The following THRB variants were observed in gnomAD, a reference collection of about 807,000 sequenced individuals.
THRB encodes the protein thyroid hormone receptor beta, also known as nuclear receptor subfamily 1 group A member 2.
In THRB, 12 loss-of-function variants were observed where a neutral mutation model predicts 47.8. The ratio of observed to expected loss-of-function variants is 0.25; its 90% confidence interval spans 0.16 to 0.41. The LOEUF is 0.41. Among genes scored for constraint, THRB ranks in the 10% least tolerant of loss-of-function variants. The probability of loss-of-function intolerance (pLI) is 1.00; values close to 1 mark genes in which losing one functional copy is unlikely to be tolerated. For synonymous variants in THRB, 218 were observed against 212.2 expected (o/e 1.03, Z -0.24); for missense variants, 348 against 589.2 (o/e 0.59, Z 4.24).
intron 3 of THRB, among the ~76,000 whole-genome samples, chr3:24,274,824 T>C (rs934055892): frequency 4.1e-4 from 62 of 152,310 alleles, no homozygotes; most frequent in Non-Finnish European, 5.3e-4. Context: ...CCAGCAAAGG[T>C]TTCACTTACA....
intron 5 of THRB, among the ~76,000 whole-genome samples, chr3:24,156,531 A>G (rs1473007548): frequency 6.6e-6 from 1 of 152,232 alleles, no homozygotes; most frequent in East Asian, 1.9e-4. Flanking sequence ...TATCATCTGT[A>G]TAAGACCACT....
intron 2 of THRB, among the ~76,000 whole-genome samples, chr3:24,336,538 T>C (rs1366432893): frequency 2.0e-5 from 3 of 152,202 alleles, no homozygotes; most frequent in Non-Finnish European, 4.4e-5. Flanking sequence ...TGTGTTGTTA[T>C]AATAATGAAA....
At chr3:24,247,773 G>T (rs1344800634) in intron 3 of THRB, among the ~76,000 whole-genome samples, 5 of 152,150 alleles carry the variant, frequency 3.3e-5, no homozygotes, top group African/African-American at 1.2e-4. Context: ...GCTTCTTTGT[G>T]AAGAATTAGA....
At chr3:24,364,795 C>T (rs1228278747) in intron 1 of THRB, among the ~76,000 whole-genome samples, 5 of 152,086 alleles carry the variant, frequency 3.3e-5, no homozygotes, top group Non-Finnish European at 5.9e-5. Flanking sequence ...GGACAAACAA[C>T]TGAGAACAAT....
At chr3:24,365,908 A>G (rs1033509509) in intron 1 of THRB, among the ~76,000 whole-genome samples, 1 of 152,174 alleles carries the variant, frequency 6.6e-6, no homozygotes, top group Non-Finnish European at 1.5e-5. Context: ...AGCAATGTAA[A>G]AGAAAATTCA....
chr3:24,355,408 T>C (rs1430092069), intron 1 of THRB, among the ~76,000 whole-genome samples: 1 of 152,070 alleles, frequency 6.6e-6, no homozygotes. Flanking sequence ...GGATCCTAAT[T>C]GGGAAAAAGA....
At chr3:24,145,756 G>A (rs1431245950) in intron 7 of THRB, among the ~76,000 whole-genome samples, 3 of 151,998 alleles carry the variant, frequency 2.0e-5, no homozygotes, top group Non-Finnish European at 4.4e-5. Context: ...TAAAATGTGA[G>A]TCATGATTAC....
chr3:24,207,162 T>G (rs112468065), intron 4 of THRB, among the ~76,000 whole-genome samples: 1 of 152,198 alleles, frequency 6.6e-6, no homozygotes, highest in Non-Finnish European at 1.5e-5. Flanking sequence ...AGCATCATCC[T>G]GATACCAAAG....
chr3:24,348,535 A>T (rs1441028679), intron 1 of THRB: 1 of 152,120 alleles, frequency 6.6e-6, no homozygotes, highest in Non-Finnish European at 1.5e-5. Context: ...TTCGCTCCCC[A>T]GTTACTTAGT....
chr3:24,202,037 C>G (rs139186859), intron 4 of THRB, among the ~76,000 whole-genome samples: 1 of 152,280 alleles, frequency 6.6e-6, no homozygotes, highest in Non-Finnish European at 1.5e-5. Flanking sequence ...CAAGATCACA[C>G]AGTGGATAAA....
intron 1 of THRB, among the ~76,000 whole-genome samples, chr3:24,485,748 A>G (rs1697195077): frequency 6.6e-6 from 1 of 152,152 alleles, no homozygotes; most frequent in Admixed American, 6.5e-5. Context: ...TAGGCATATC[A>G]TATTTATTTC....
At position 24,197,484 on chromosome 3, in the gene THRB, C is replaced by G. The variant is rs73138672; in HGVS notation, c.23-7150G>C. Among the ~76,000 whole-genome samples, 878 of 152,306 alleles carry G rather than the reference C, an allele frequency of 5.8e-3. 9 individuals carry two copies. The highest frequency in any genetic ancestry group is 0.02 in the African/African-American group (833 of 41,564). ...GTCTCTTCTATAAGGCAAGAACTTA[C>G]CATGTCCTCCTTGTATCATGTAAAT... On this transcript the variant is annotated intron_variant, in intron 4 of 10. Transcript: ENST00000646209.
intron 2 of THRB, among the ~76,000 whole-genome samples, chr3:24,297,708 G>T (rs1237391182): frequency 6.6e-6 from 1 of 152,202 alleles, no homozygotes; most frequent in Non-Finnish European, 1.5e-5. Flanking sequence ...CCTTCCCTCT[G>T]TTTTAGAGAG....
intron 1 of THRB, among the ~76,000 whole-genome samples, chr3:24,362,329 C>T (rs2064136410): frequency 6.6e-6 from 1 of 152,096 alleles, no homozygotes; most frequent in Admixed American, 6.6e-5. Context: ...TCCATCTGGC[C>T]TAATGAACCT....
At chr3:24,143,226 C>A (rs1170778672) in intron 8 of THRB, among the ~76,000 whole-genome samples, 2 of 152,172 alleles carry the variant, frequency 1.3e-5, no homozygotes, top group Admixed American at 6.5e-5. Context: ...TGGGAGTGGT[C>A]TTTCTAACAG....
chr3:24,129,292 C>A (rs568969849), intron 9 of THRB, among the ~76,000 whole-genome samples: 2 of 152,130 alleles, frequency 1.3e-5, no homozygotes, highest in African/African-American at 4.8e-5. Context: ...CTGCATTTCC[C>A]CCAAGTTCCC....
chr3:24,152,875 T>A (rs894588314), intron 5 of THRB, among the ~76,000 whole-genome samples: 3 of 150,666 alleles, frequency 2.0e-5, no homozygotes, highest in Admixed American at 2.0e-4. Context: ...GGCAAGATAA[T>A]CACTTGAACC....
Position 24,299,785 on chromosome 3 carries a change from A to AT in THRB, c.-188-2415dup, listed in dbSNP as rs201258529. Among the ~76,000 whole-genome samples, 303 of 62,916 alleles carry AT rather than the reference A, an allele frequency of 4.8e-3. 14 individuals carry two copies. Among genetic ancestry groups the AT allele is most frequent in the South Asian group, 0.025 (50 of 1,970 alleles). The allele number at this position is 62,916 out of a possible 152,430, so 41.3% of individuals were successfully genotyped here. A position where few individuals can be genotyped will look rare whatever the true frequency, so the allele number is the denominator to read the frequency against. ...AGTATGCTTTTTTATTTATTTATTTATTTATTTTTTTTTTTTTAGCAAACA... is the reference window on the plus strand; with the variant it reads ...AGTATGCTTTTTTATTTATTTATTTATTTTATTTTTTTTTTTTTAGCAAACA... On this transcript the variant is annotated intron_variant, in intron 2 of 10. Transcript: ENST00000646209.
At chr3:24,276,041 CTTTTT>C (rs1272650929) in intron 3 of THRB, among the ~76,000 whole-genome samples, 2 of 143,778 alleles carry the variant, frequency 1.4e-5, no homozygotes, top group African/African-American at 2.5e-5. Context: ...CAGTCTTCTA[CTTTTT>C]TTTTTTTTTA....
Sources: gnomAD v4.1 joint callset for allele counts (sites outside exome capture counted in the v4.1 genomes callset) on GRCh38, gnomAD v4.1.1 for gene constraint, MANE v1.5 for transcripts, NCBI Gene and HGNC (gene_info 2026-07-23, HGNC 2026-07-21) for gene names.